OR7C1: variants seen among roughly 807,000 people sequenced by gnomAD.
The protein encoded by OR7C1 is olfactory receptor 7C1.
For missense variants in OR7C1, 324 were observed against 383.3 expected (o/e 0.85, Z 1.29); for synonymous variants, 152 against 160.7 (o/e 0.95, Z 0.41).
intron 1 of OR7C1, among the ~76,000 whole-genome samples, chr19:14,813,800 C>G (rs2044703658): frequency 6.6e-6 from 1 of 152,016 alleles, no homozygotes; most frequent in Non-Finnish European, 1.5e-5. Context: ...GGGAAATCTG[C>G]CCCCATGACC....
At position 14,809,349 on chromosome 19, in the gene OR7C1, G is replaced by A. The variant is rs182227667; in HGVS notation, c.-435+457C>T. Among the ~76,000 whole-genome samples the A allele has an allele frequency of 4.2e-4, 64 of 152,060 alleles. 1 individual carries two copies. The highest frequency in any genetic ancestry group is 3.4e-3 in the Middle Eastern group (1 of 294). ...GCCGAATCCTGAGGCTTGCACATAC[G>A]TAAAGGAAGGTCAGATCCGGCTGCA... On this transcript the variant is annotated intron_variant, in intron 2 of 4. Coordinates refer to ENST00000641666, the Ensembl canonical transcript of OR7C1.
intron 2 of OR7C1, among the ~76,000 whole-genome samples, chr19:14,801,259 G>C (rs10422413): frequency 0.014 from 2,146 of 152,188 alleles, 48 homozygotes; most frequent in African/African-American, 0.044. Context: ...TATCTGCATG[G>C]AGTTGATACT....
At chr19:14,825,428 AG>A (rs1446247240) in intron 1 of OR7C1, 7 of 152,150 alleles carry the variant, frequency 4.6e-5, no homozygotes, top group Non-Finnish European at 1.0e-4. Context: ...ATTTTCTAAG[AG>A]TAGAGTTTAG....
At chr19:14,822,063 C>G (rs1024777479) in intron 1 of OR7C1, among the ~76,000 whole-genome samples, 4 of 152,176 alleles carry the variant, frequency 2.6e-5, no homozygotes, top group African/African-American at 9.7e-5. Context: ...GAGTGGTGTT[C>G]TATTGTGGAT....
Position 14,832,434 on chromosome 19 carries a change from C to CT in OR7C1, c.-623+2639dup, listed in dbSNP as rs1268702024. Among the ~76,000 whole-genome samples the CT allele has an allele frequency of 8.0e-3, 691 of 86,630 alleles. 7 individuals are homozygous for CT. The highest frequency in any genetic ancestry group is 0.023 in the African/African-American group (552 of 24,178). The allele number at this position is 86,630 out of a possible 152,430, so 56.8% of individuals were successfully genotyped here. On this transcript the variant is annotated intron_variant, in intron 1 of 4. Coordinates refer to ENST00000641666, the Ensembl canonical transcript of OR7C1. ...TCTCTCTTTCTTTCTTTTTTCTTTT[C>CT]TTTTTTTTTTTTAATGGAGCCTTGC...
exon 5 of OR7C1, chr19:14,799,945 G>A: frequency 1.2e-6 from 2 of 1,614,144 alleles, no homozygotes; most frequent in Non-Finnish European, 1.7e-6. Context: ...AAGACAGGTT[G>A]GAGAGGAAGA....
chr19:14,802,488 C>T (rs2044646716), intron 2 of OR7C1, among the ~76,000 whole-genome samples: 1 of 152,146 alleles, frequency 6.6e-6, no homozygotes, highest in Non-Finnish European at 1.5e-5. Flanking sequence ...CCACTGCACT[C>T]CAGCCTGGGT....
At chr19:14,822,809 T>C (rs1054542158) in intron 1 of OR7C1, among the ~76,000 whole-genome samples, 2 of 152,136 alleles carry the variant, frequency 1.3e-5, no homozygotes, top group African/African-American at 2.4e-5. Flanking sequence ...CAGCTGTATG[T>C]CTTCTATTGA....
intron 2 of OR7C1, among the ~76,000 whole-genome samples, chr19:14,803,488 A>G (rs73004319): frequency 0.2 from 30,468 of 151,612 alleles, 3,256 homozygotes; most frequent in Admixed American, 0.24. Flanking sequence ...AGATGGAGTC[A>G]CCATGTTGAA....
rs116021183 is a variant in OR7C1, at chr19:14,811,629, G to A, written c.-622-1636C>T. Among the ~76,000 whole-genome samples, 507 of 151,984 alleles carry A rather than the reference G, an allele frequency of 3.3e-3. 22 individuals are homozygous for A. Among genetic ancestry groups the A allele is most frequent in the African/African-American group, 0.012 (477 of 41,292 alleles). ...ACCAAACTTACTGTGCTCAAATAAA[G>A]CCTTTTTACAAAGAGGCTGTGGGTA... is the stretch of plus-strand genomic sequence containing the variant. On this transcript the variant is annotated intron_variant, in intron 1 of 4. Coordinates refer to ENST00000641666, the Ensembl canonical transcript of OR7C1.
chr19:14,808,657 A>G (rs763154122), intron 2 of OR7C1, among the ~76,000 whole-genome samples: 70 of 151,974 alleles, frequency 4.6e-4, no homozygotes, highest in Admixed American at 9.8e-4. Flanking sequence ...TTGAGAAATT[A>G]CCTATTGGGT....
exon 5 of OR7C1, chr19:14,799,961 A>G (rs2044632843): frequency 9.9e-6 from 16 of 1,614,126 alleles, no homozygotes; most frequent in Middle Eastern, 1.6e-4. Context: ...GAAGAAGTAC[A>G]TGGGGGTGTG....
chr19:14,803,102 T>C (rs1176254140), intron 2 of OR7C1, among the ~76,000 whole-genome samples: 2 of 150,548 alleles, frequency 1.3e-5, no homozygotes, highest in African/African-American at 4.9e-5. Flanking sequence ...AGGTCAGGAG[T>C]TCAAGACCAG....
chr19:14,822,405 G>A (rs1240501128), intron 1 of OR7C1, among the ~76,000 whole-genome samples: 1 of 58,862 alleles, frequency 1.7e-5, no homozygotes, highest in African/African-American at 6.4e-5. Flanking sequence ...TTTTTTTTGA[G>A]ATGGAGTCTC....
intron 2 of OR7C1, among the ~76,000 whole-genome samples, chr19:14,804,278 GAA>G (rs1164821267): frequency 3.2e-4 from 49 of 152,274 alleles, no homozygotes; most frequent in African/African-American, 1.1e-3. Flanking sequence ...ACTGTTTAAG[GAA>G]ATCTCTTATC....
rs1298098999 is a variant in OR7C1, at chr19:14,833,997, C to T, written c.-623+1077G>A. Among the ~76,000 whole-genome samples the T allele has an allele frequency of 5.7e-5, 7 of 123,662 alleles. No individual in the cohort carries two copies. In the South Asian group the frequency reaches 1.2e-3, roughly 22 times the overall value. The allele number at this position is 123,662 out of a possible 152,430, so 81.1% of individuals were successfully genotyped here. A position where few individuals can be genotyped will look rare whatever the true frequency, so the allele number is the denominator to read the frequency against. On this transcript the variant is annotated intron_variant, in intron 1 of 4. Coordinates refer to ENST00000641666, the Ensembl canonical transcript of OR7C1. Reference sequence around the variant, plus strand: ...CATACAGGCTGGGCGTGGTGGCACACGTCTGCAATCCTAGCACTTTGGGAG... The same window carrying T: ...CATACAGGCTGGGCGTGGTGGCACATGTCTGCAATCCTAGCACTTTGGGAG...
At chr19:14,806,453 T>C (rs1371448375) in intron 2 of OR7C1, among the ~76,000 whole-genome samples, 1 of 151,936 alleles carries the variant, frequency 6.6e-6, no homozygotes, top group Non-Finnish European at 1.5e-5. Context: ...ATGTGTGCCA[T>C]GGTGGTTTGC....
chr19:14,827,075 G>A, intron 1 of OR7C1: 1 of 432,040 alleles, frequency 2.3e-6, no homozygotes, highest in East Asian at 3.7e-5. Flanking sequence ...TGAGAAAGTA[G>A]GAAAACAACA....
At chr19:14,830,399 A>G (rs755119110) in intron 1 of OR7C1, among the ~76,000 whole-genome samples, 1 of 152,170 alleles carries the variant, frequency 6.6e-6, no homozygotes, top group African/African-American at 2.4e-5. Flanking sequence ...CCTCAGCAAA[A>G]GGACAAAAAT....
Sources: gnomAD v4.1 joint callset for allele counts (sites outside exome capture counted in the v4.1 genomes callset) on GRCh38, gnomAD v4.1.1 for gene constraint, MANE v1.5 for transcripts, NCBI Gene and HGNC (gene_info 2026-07-23, HGNC 2026-07-21) for gene names.